GNAQ: variants seen among roughly 807,000 people sequenced by gnomAD.
The protein encoded by GNAQ is guanine nucleotide-binding protein G(q) subunit alpha.
A neutral mutation model predicts 43.9 loss-of-function variants in GNAQ; 8 were observed. The observed-to-expected ratio is 0.18, with a 90% confidence interval of 0.11 to 0.33. The LOEUF (loss-of-function observed/expected upper bound fraction) is 0.33, where lower values mean the gene tolerates loss of function less well. Ranked by LOEUF, GNAQ falls within the 10% of genes least tolerant of loss-of-function variation. GNAQ has a pLI of 1.00. For synonymous variants in GNAQ, 155 were observed against 170.7 expected, an observed-to-expected ratio of 0.91 and a Z score of 0.71; for missense variants, 158 against 450.8, an observed-to-expected ratio of 0.35 and a Z score of 5.88.
In GNAQ at chr9:77,760,895, C is replaced by T. The variant is rs1217041991; in HGVS notation, c.736-32228G>A. 4.1e-4 allele frequency among the ~76,000 whole-genome samples: 61 copies of T among 148,246 alleles called. 1 individual carries two copies. The highest frequency in any genetic ancestry group is 1.5e-3 in the African/African-American group (59 of 40,338). On this transcript the variant is annotated intron_variant, in intron 5 of 6. Transcript: ENST00000286548. ...GATGTGAGGAGTGCCTCTGCCCGGT[C>T]GCGACCCCGTCTGGGAGGTGAGGAG...
intron 5 of GNAQ, among the ~76,000 whole-genome samples, chr9:77,760,824 A>T (rs548920797): frequency 7.9e-6 from 1 of 126,330 alleles, no homozygotes; most frequent in East Asian, 2.4e-4. Context: ...CCAGCCGCCC[A>T]TCGTCTGAGA....
chr9:77,897,728 A>G (rs1816952444), intron 2 of GNAQ, among the ~76,000 whole-genome samples: 1 of 152,160 alleles, frequency 6.6e-6, no homozygotes, highest in Non-Finnish European at 1.5e-5. Context: ...TGTTTGAGTG[A>G]AGGGAGGCCA....
At chr9:77,903,056 C>G (rs1828638026) in intron 2 of GNAQ, among the ~76,000 whole-genome samples, 1 of 151,970 alleles carries the variant, frequency 6.6e-6, no homozygotes, top group Non-Finnish European at 1.5e-5. Flanking sequence ...GTGAGCAAAG[C>G]CTGGAAGAAG....
chr9:77,725,995 A>G (rs1825391839), intron 6 of GNAQ, among the ~76,000 whole-genome samples: 1 of 151,268 alleles, frequency 6.6e-6, no homozygotes, highest in Non-Finnish European at 1.5e-5. Context: ...AAGTTCCAAG[A>G]AAAATTAAGA....
At chr9:77,956,105 T>C (rs1184941729) in intron 1 of GNAQ, among the ~76,000 whole-genome samples, 1 of 152,234 alleles carries the variant, frequency 6.6e-6, no homozygotes, top group East Asian at 1.9e-4. Context: ...ATATGTGTAC[T>C]GAGCACTTTC....
intron 2 of GNAQ, among the ~76,000 whole-genome samples, chr9:77,920,742 T>C (rs1238507469): frequency 6.6e-6 from 1 of 152,224 alleles, no homozygotes; most frequent in Admixed American, 6.5e-5. Flanking sequence ...GTGGAGGGTC[T>C]TTTTGTTATT....
At chr9:77,960,289 C>A (rs1823091390) in intron 1 of GNAQ, among the ~76,000 whole-genome samples, 1 of 152,112 alleles carries the variant, frequency 6.6e-6, no homozygotes, top group African/African-American at 2.4e-5. Context: ...GTCATCACAC[C>A]AGAATGGGTC....
chr9:77,821,494 T>C (rs1031890158), intron 2 of GNAQ, among the ~76,000 whole-genome samples: 3 of 152,210 alleles, frequency 2.0e-5, no homozygotes, highest in African/African-American at 4.8e-5. Context: ...TGTTTGTCTG[T>C]AATGTCATAA....
intron 1 of GNAQ, among the ~76,000 whole-genome samples, chr9:78,030,837 C>G (rs950433014): frequency 1.5e-4 from 23 of 152,152 alleles, no homozygotes; most frequent in Admixed American, 1.4e-3. Context: ...AGGAACAAGC[C>G]AAGGCACCGG....
chr9:77,744,545 C>T (rs958112807), intron 5 of GNAQ, among the ~76,000 whole-genome samples: 3 of 152,088 alleles, frequency 2.0e-5, no homozygotes, highest in Non-Finnish European at 4.4e-5. Flanking sequence ...TTTGCTTAAT[C>T]CAATGCATTC....
At chr9:77,833,813 G>A (rs1233715190) in intron 2 of GNAQ, among the ~76,000 whole-genome samples, 3 of 151,826 alleles carry the variant, frequency 2.0e-5, no homozygotes, top group South Asian at 4.2e-4. Context: ...CCTTTCTTTC[G>A]TAGAAATACA....
At chr9:78,025,854 T>C (rs926482215) in intron 1 of GNAQ, among the ~76,000 whole-genome samples, 1 of 152,178 alleles carries the variant, frequency 6.6e-6, no homozygotes, top group African/African-American at 2.4e-5. Flanking sequence ...GAGAATCTTG[T>C]TAATTTCTTT....
chr9:77,934,122 C>T (rs1829194577), intron 1 of GNAQ, among the ~76,000 whole-genome samples: 1 of 152,134 alleles, frequency 6.6e-6, no homozygotes, highest in Non-Finnish European at 1.5e-5. Flanking sequence ...AGGTGCGGCA[C>T]AGAAAGAACA....
chr9:77,941,723 G>A (rs1407628223), intron 1 of GNAQ, among the ~76,000 whole-genome samples: 1 of 152,154 alleles, frequency 6.6e-6, no homozygotes, highest in African/African-American at 2.4e-5. Flanking sequence ...GATAAGGAAT[G>A]GGTAAAATAA....
intron 2 of GNAQ, among the ~76,000 whole-genome samples, chr9:77,826,255 C>A (rs1827195112): frequency 6.6e-6 from 1 of 152,096 alleles, no homozygotes; most frequent in Non-Finnish European, 1.5e-5. Context: ...ACCTGCCTGA[C>A]CCTGAAATAA....
chr9:78,013,456 C>T (rs999813230), intron 1 of GNAQ, among the ~76,000 whole-genome samples: 5 of 152,050 alleles, frequency 3.3e-5, no homozygotes, highest in South Asian at 2.1e-4. Context: ...AATGCTATCC[C>T]TCCCCGCTCC....
chr9:77,951,700 A>T (rs1822979929), intron 1 of GNAQ, among the ~76,000 whole-genome samples: 1 of 152,186 alleles, frequency 6.6e-6, no homozygotes, highest in South Asian at 2.1e-4. Flanking sequence ...GAGGCTGCAT[A>T]GATGAGCTCC....
At chr9:77,769,810 G>A (rs1372154293) in intron 5 of GNAQ, among the ~76,000 whole-genome samples, 1 of 151,718 alleles carries the variant, frequency 6.6e-6, no homozygotes, top group African/African-American at 2.4e-5. Flanking sequence ...GACTACACGC[G>A]CCCGCCACAA....
At chr9:77,776,334 C>A (rs1281525355) in intron 5 of GNAQ, among the ~76,000 whole-genome samples, 1 of 152,056 alleles carries the variant, frequency 6.6e-6, no homozygotes, top group Admixed American at 6.5e-5. Flanking sequence ...ATGCTGGCTA[C>A]AAGAGACACA....
Sources: allele counts gnomAD v4.1 joint callset (sites outside exome capture counted in the v4.1 genomes callset), GRCh38; gene constraint gnomAD v4.1.1; transcripts MANE v1.5; gene names NCBI Gene and HGNC (gene_info 2026-07-23, HGNC 2026-07-21).